LGI2: variants seen among roughly 807,000 people sequenced by gnomAD.
The protein encoded by LGI2 is leucine-rich repeat LGI family member 2.
A neutral mutation model predicts 52.0 loss-of-function variants in LGI2; 30 were observed. The ratio of observed to expected loss-of-function variants is 0.58; its 90% CI spans 0.43 to 0.78. LGI2 has a LOEUF of 0.78. Ranked by LOEUF, LGI2 falls within the 30% of genes least tolerant of loss-of-function variation. The probability of loss-of-function intolerance (pLI) is 0.00; values close to 1 mark genes in which losing one functional copy is unlikely to be tolerated. For synonymous variants in LGI2, 270 were observed against 271.8 expected (o/e 0.99, Z 0.06); for missense variants, 573 against 692.5 (o/e 0.83, Z 1.94).
At chr4:25,011,445 C>G (rs1725583465) in intron 7 of LGI2, among the ~76,000 whole-genome samples, 2 of 152,286 alleles carry the variant, frequency 1.3e-5, no homozygotes, top group South Asian at 4.2e-4. Context: ...CACCGAGATA[C>G]ACTGTGAGAT....
Position 25,009,214 on chromosome 4 carries a change from G to C in LGI2, c.820+3121C>G, listed in dbSNP as rs150000909. ...TCCATGATCAGCCTTTCTGACTTTGGACTCATCAACTGCAACTCCCCGCTG... is the reference window on the plus strand; with the variant it reads ...TCCATGATCAGCCTTTCTGACTTTGCACTCATCAACTGCAACTCCCCGCTG... On this transcript the variant is annotated intron_variant, in intron 7 of 7. Coordinates refer to ENST00000382114, the MANE Select transcript of LGI2 (RefSeq NM_018176.4). Among the ~76,000 whole-genome samples the C allele has an allele frequency of 1.6e-4, 24 of 152,290 alleles. No homozygotes were observed. In the East Asian group the frequency reaches 4.2e-3, roughly 27 times the overall value.
Position 24,999,712 on chromosome 4 carries a change from T to C in LGI2, c.*3739A>G. The C allele has an allele frequency of 2.3e-6, 1 of 433,924 alleles. No homozygotes were observed. Among genetic ancestry groups the C allele is most frequent in the Non-Finnish European group, 4.6e-6 (1 of 215,292 alleles). The allele number at this position is 433,924 out of a possible 1,614,324, so 26.9% of individuals were successfully genotyped here. Reference sequence around the variant, plus strand: ...GAGAAATTTCCATCATGAGCACTCCTGACCGCCAAACCTCTGGCATCCCAT... The same window carrying C: ...GAGAAATTTCCATCATGAGCACTCCCGACCGCCAAACCTCTGGCATCCCAT... On this transcript the variant is annotated 3_prime_UTR_variant, in exon 8 of 8. Transcript: ENST00000382114.
chr4:25,009,470 C>T (rs115149319), intron 7 of LGI2, among the ~76,000 whole-genome samples: 4 of 152,146 alleles, frequency 2.6e-5, no homozygotes, highest in Non-Finnish European at 5.9e-5. Flanking sequence ...CACAGTACTC[C>T]ACATCTTCCT....
intron 1 of LGI2, 52 bp from the exon 2 acceptor site, chr4:25,028,630 C>A: frequency 6.7e-7 from 1 of 1,499,234 alleles, no homozygotes; most frequent in Non-Finnish European, 9.2e-7. Context: ...TAGGAAGTGC[C>A]ATGCAGGGTG....
In LGI2 at chr4:25,004,002, A is replaced by G. The variant is rs1238496134; in HGVS notation, c.1087T>C (p.Ser363Pro). 6.2e-7 allele frequency: 1 copy of G among 1,614,222 alleles called. No homozygotes were observed. Among genetic ancestry groups the G allele is most frequent in the Admixed American group, 1.7e-5 (1 of 60,026 alleles). The change falls in exon 8 of 8, where the codon TCT (serine) becomes CCT (proline). Residue 363 changes from serine (S) to proline (P), a missense_variant. By Grantham distance (74) the Ser-to-Pro change is moderately conservative. Coordinates refer to ENST00000382114, the MANE Select transcript of LGI2 (RefSeq NM_018176.4). The surrounding 1 kb of genome is among the most constrained non-coding windows in gnomAD (Gnocchi z 4.6). Reference sequence around the variant, plus strand: ...AACCACTCGTGCAGTGACTGGTAAGAATAGAATCCTTTGCTGTTCCATTTA... The same window carrying G: ...AACCACTCGTGCAGTGACTGGTAAGGATAGAATCCTTTGCTGTTCCATTTA... Reference protein sequence around the residue: ...VYKWNSKGFYSYQSLHEWFRD... With the variant: ...VYKWNSKGFYPYQSLHEWFRD...
chr4:25,030,456 G>A (rs757756713), intron 1 of LGI2, 41 bp downstream of exon 1: 6 of 1,551,202 alleles, frequency 3.9e-6, no homozygotes, highest in South Asian at 1.2e-5. Flanking sequence ...CGGACGCAGG[G>A]TGGGGCGGGA....
In LGI2 at chr4:25,030,510, C is replaced by G. The variant is rs1375313919; in HGVS notation, c.184G>C (p.Asp62His). Residue 62 changes from aspartate to histidine, a missense_variant, in exon 1 of 8, where the codon GAC (aspartate) becomes CAC (histidine). Coordinates refer to ENST00000382114, the MANE Select transcript of LGI2 (RefSeq NM_018176.4). Reference sequence around the variant, plus strand: ...GGTCCCACTCACAGGGAGCTGATGTCGCCCGGCACGATCCTGGGCACCCAG... The same window carrying G: ...GGTCCCACTCACAGGGAGCTGATGTGGCCCGGCACGATCCTGGGCACCCAG... ...SSWVPRIVPGDISSLSLVNGT... is the reference protein window; with the variant it reads ...SSWVPRIVPGHISSLSLVNGT... 1.3e-6 allele frequency: 2 copies of G among 1,590,810 alleles called. No homozygotes were observed. The highest frequency in any genetic ancestry group is 1.7e-6 in the Non-Finnish European group (2 of 1,170,524).
At chr4:24,992,308 G>GC in the LGI2 span, among the ~76,000 whole-genome samples, 1 of 152,014 alleles carries the variant, frequency 6.6e-6, no homozygotes, top group Non-Finnish European at 1.5e-5. Flanking sequence ...TTGTCCCACC[G>GC]CCCCCCACCA....
At chr4:25,015,338 A>G (rs1725725150) in intron 6 of LGI2, among the ~76,000 whole-genome samples, 1 of 152,232 alleles carries the variant, frequency 6.6e-6, no homozygotes, top group African/African-American at 2.4e-5. Flanking sequence ...AATTTAGTGA[A>G]TTACCCACCT....
chr4:25,011,379 C>T (rs1725580903), intron 7 of LGI2, among the ~76,000 whole-genome samples: 2 of 152,124 alleles, frequency 1.3e-5, no homozygotes, highest in South Asian at 2.1e-4. Context: ...CCAGATGGCC[C>T]GACGGTGGCC....
rs1211430185 is a variant in LGI2, at chr4:25,004,766, T to C, written c.821-498A>G. 6.6e-6 allele frequency among the ~76,000 whole-genome samples: 1 copy of C among 152,218 alleles called. No homozygotes were observed. The highest frequency in any genetic ancestry group is 1.5e-5 in the Non-Finnish European group (1 of 68,040). Reference sequence around the variant, plus strand: ...ATCTTGGACTTCCCAGGCCCAGAACTATGAGAAATAAATTTCTGTTGCTTA... The same window carrying C: ...ATCTTGGACTTCCCAGGCCCAGAACCATGAGAAATAAATTTCTGTTGCTTA... On this transcript the variant is annotated intron_variant, in intron 7 of 7. Coordinates refer to ENST00000382114, the MANE Select transcript of LGI2 (RefSeq NM_018176.4). This position sits in a 1 kb window ranked among gnomAD's most constrained non-coding sequence, Gnocchi z 4.6.
At position 25,003,316 on chromosome 4, in the gene LGI2, T is replaced by G. The variant is rs1467320926; in HGVS notation, c.*135A>C. On this transcript the variant is annotated 3_prime_UTR_variant, in exon 8 of 8. Coordinates refer to ENST00000382114, the MANE Select transcript of LGI2 (RefSeq NM_018176.4). ...TGATTAAAATGTGAGTTCTAAAAGTTTGAAAACATCTAACTATTTCAGTGC... is the reference window on the plus strand; with the variant it reads ...TGATTAAAATGTGAGTTCTAAAAGTGTGAAAACATCTAACTATTTCAGTGC... 4 of 647,024 alleles carry G rather than the reference T, an allele frequency of 6.2e-6. No homozygotes were observed. The highest frequency in any genetic ancestry group is 1.0e-5 in the Non-Finnish European group (4 of 390,516). 40.1% of individuals were successfully genotyped at this position (647,024 alleles called of 1,614,324 possible).
chr4:25,008,450 G>A (rs2109407837), intron 7 of LGI2, among the ~76,000 whole-genome samples: 1 of 151,470 alleles, frequency 6.6e-6, no homozygotes, highest in South Asian at 2.1e-4. Flanking sequence ...ATACTCGGGA[G>A]GCTGAGGCCA....
intron 7 of LGI2, among the ~76,000 whole-genome samples, chr4:25,008,045 C>T (rs964754790): frequency 6.6e-6 from 1 of 152,230 alleles, no homozygotes; most frequent in Admixed American, 6.5e-5. Flanking sequence ...TCATGCCAGG[C>T]TCAATGCCAG....
intron 6 of LGI2, among the ~76,000 whole-genome samples, chr4:25,013,275 C>T (rs1000901): frequency 0.096 from 14,631 of 152,174 alleles, 808 homozygotes; most frequent in South Asian, 0.26. Flanking sequence ...CACTGTGAGG[C>T]GGCTGGCCTT....
chr4:25,027,394 T>A (rs1577562733), intron 2 of LGI2, among the ~76,000 whole-genome samples: 4 of 144,376 alleles, frequency 2.8e-5, no homozygotes, highest in African/African-American at 2.6e-5. Flanking sequence ...TAACAATAGT[T>A]AAAAAAAAAA....
chr4:25,000,017 G>C lies in LGI2; in HGVS notation c.*3434C>G, dbSNP rs535614709. 80 of 306,700 alleles carry C rather than the reference G, an allele frequency of 2.6e-4. 1 individual carries two copies. Among genetic ancestry groups the C allele is most frequent in the Admixed American group, 4.1e-4 (9 of 21,970 alleles). 19.0% of individuals were successfully genotyped at this position (306,700 alleles called of 1,614,324 possible). A position where few individuals can be genotyped will look rare whatever the true frequency, so the allele number is the denominator to read the frequency against. On this transcript the variant is annotated 3_prime_UTR_variant, in exon 8 of 8. Transcript: ENST00000382114. ...GCTAGATATCCTCCTTAGTACAACA[G>C]AAAACTATCCAAAATTTCTGGACCA...
At chr4:25,019,306 G>T in intron 4 of LGI2, 68 bp from the exon 5 acceptor site, 3 of 1,032,102 alleles carry the variant, frequency 2.9e-6, no homozygotes, top group Non-Finnish European at 4.5e-6. Context: ...ACTCCCTTCA[G>T]ATAAAGCTGT....
rs149130054 is a variant in LGI2 at position 25,004,124 on chromosome 4, C to T, written c.965G>A (p.Arg322His). ...FVKFQDIEVS[R>H]ISKPNDIELF... ...CTCGATGTCATTGGGCTTGGAAATG[C>T]GAGAGACCTCTATGTCTTGGAATTT... The change falls in exon 8 of 8, where the codon CGC becomes CAC. Residue 322 changes from arginine to histidine, a missense_variant. Physicochemically the swap from Arg to His is conservative, Grantham distance 29. Transcript: ENST00000382114. The surrounding 1 kb of genome is among the most constrained non-coding windows in gnomAD (Gnocchi z 4.6). 5.9e-5 allele frequency: 95 copies of T among 1,614,118 alleles called. No homozygotes were observed. Among genetic ancestry groups the T allele is most frequent in the Non-Finnish European group, 7.5e-5 (89 of 1,180,022 alleles).
Sources: allele counts gnomAD v4.1 joint callset (sites outside exome capture counted in the v4.1 genomes callset), GRCh38; gene constraint gnomAD v4.1.1; non-coding constraint Gnocchi (gnomAD v3.1); transcripts MANE v1.5; gene names NCBI Gene and HGNC (gene_info 2026-07-23, HGNC 2026-07-21).